The following RTN4IP1 variants were observed in gnomAD, a reference collection of about 807,000 sequenced individuals.
RTN4IP1 encodes the protein reticulon 4 interacting protein 1.
In RTN4IP1, 32 loss-of-function variants were observed where a neutral mutation model predicts 46.6. The ratio of observed to expected loss-of-function variants is 0.69; its 90% CI spans 0.52 to 0.92. RTN4IP1 has a LOEUF of 0.92. Among genes scored for constraint, RTN4IP1 ranks in the 40% least tolerant of loss-of-function variants. The pLI, the probability that RTN4IP1 is intolerant of heterozygous loss-of-function variation, is 0.00. For synonymous variants in RTN4IP1, 167 were observed against 161.8 expected, an observed-to-expected ratio of 1.03 and a Z score of -0.24; for missense variants, 424 against 485.8, an observed-to-expected ratio of 0.87 and a Z score of 1.20.
At chr6:106,584,483 T>C (rs1775439724) in intron 7 of RTN4IP1, among the ~76,000 whole-genome samples, 1 of 152,228 alleles carries the variant, frequency 6.6e-6, no homozygotes, top group Admixed American at 6.5e-5. Context: ...GCTACTACCA[T>C]GGCGTGAGGC....
intron 6 of RTN4IP1, among the ~76,000 whole-genome samples, 164 bp downstream of exon 6, chr6:106,592,000 A>G (rs1011119321): frequency 2.0e-5 from 3 of 152,172 alleles, no homozygotes; most frequent in African/African-American, 7.2e-5. Context: ...TAACATCTGG[A>G]ATTAAAACAG....
chr6:106,607,597 ATG>A (rs1776118060), intron 4 of RTN4IP1: 1 of 152,200 alleles, frequency 6.6e-6, no homozygotes, highest in Non-Finnish European at 1.5e-5. Flanking sequence ...AAAGAGAAAA[ATG>A]ATCAAGCATA....
At chr6:106,615,304 A>G (rs1776323143) in intron 4 of RTN4IP1, among the ~76,000 whole-genome samples, 1 of 152,150 alleles carries the variant, frequency 6.6e-6, no homozygotes, top group Admixed American at 6.5e-5. Flanking sequence ...GAATAAACCC[A>G]ATGTTTTTAA....
chr6:106,622,251 AACAGAATGAAATTTGC>A (rs1404295627), intron 2 of RTN4IP1, among the ~76,000 whole-genome samples: 3 of 152,234 alleles, frequency 2.0e-5, no homozygotes, highest in Non-Finnish European at 2.9e-5. Flanking sequence ...ATACTTCTGA[AACAGAATGAAATTTGC>A]ACATTTAGTA....
intron 4 of RTN4IP1, among the ~76,000 whole-genome samples, chr6:106,605,816 C>CACAAAA (rs1776053742): frequency 1.1e-3 from 5 of 4,494 alleles, no homozygotes; most frequent in Non-Finnish European, 1.6e-3. Flanking sequence ...GACTCTGTCC[C>CACAAAA]AAAAAAAAAA....
In RTN4IP1 at chr6:106,619,334, T is replaced by C. The variant is rs1455664921; in HGVS notation, c.496-8A>G. ...TTTGGGTTTGTGAGAGACCTACATT[T>C]GAAGACAACAGTCAAAAATAAGCAA... On this transcript the variant is annotated splice_region_variant and splice_polypyrimidine_tract_variant and intron_variant, in intron 3 of 8. Transcript: ENST00000369063. The C allele has an allele frequency of 1.2e-6, 2 of 1,613,878 alleles. No homozygotes were observed. The highest frequency in any genetic ancestry group is 1.7e-5 in the Admixed American group (1 of 59,954).
Position 106,614,853 on chromosome 6 carries a change from T to C in RTN4IP1, c.620+4349A>G, listed in dbSNP as rs75102101. Among the ~76,000 whole-genome samples, 29 of 152,282 alleles carry C rather than the reference T, an allele frequency of 1.9e-4. No individual in the cohort carries two copies. The East Asian group carries it at 5.6e-3, about 29-fold the overall frequency. On this transcript the variant is annotated intron_variant, in intron 4 of 8. Transcript: ENST00000369063. ...ACAGTCCATTGAAGAGTAAATGACT[T>C]GTAACCTCACGAGATAGTTAACCTA...
chr6:106,607,648 G>A (rs774398286), intron 4 of RTN4IP1: 8 of 152,132 alleles, frequency 5.3e-5, no homozygotes, highest in Non-Finnish European at 1.0e-4. Flanking sequence ...TCAGGGAAAT[G>A]CAAATTCAAA....
intron 5 of RTN4IP1, among the ~76,000 whole-genome samples, chr6:106,598,724 T>G (rs1039872877): frequency 1.3e-5 from 2 of 151,298 alleles, no homozygotes; most frequent in East Asian, 1.9e-4. Context: ...GTCAATTTTG[T>G]CTTTTGTTGC....
chr6:106,625,291 G>A (rs1481259229), intron 1 of RTN4IP1, among the ~76,000 whole-genome samples: 1 of 151,858 alleles, frequency 6.6e-6, no homozygotes, highest in Non-Finnish European at 1.5e-5. Flanking sequence ...CCCTTGCCCC[G>A]CACCCACTCC....
rs1315454444 is a variant in RTN4IP1 at position 106,570,791 on chromosome 6, C to T, written c.*1205G>A. The T allele has an allele frequency of 6.6e-6, 1 of 151,942 alleles. No individual in the cohort carries two copies. The highest frequency in any genetic ancestry group is 1.5e-5 in the Non-Finnish European group (1 of 68,000). The allele number at this position is 151,942 out of a possible 1,614,324, so 9.4% of individuals were successfully genotyped here. On this transcript the variant is annotated 3_prime_UTR_variant, in exon 9 of 9. Transcript: ENST00000369063. ...CTTTTGCAATAACTCGGTAGTAAGA[C>T]CAGACCAACAATTTTAGAGAAAAGC...
intron 8 of RTN4IP1, 74 bp downstream of exon 8, chr6:106,583,254 G>T: frequency 8.4e-7 from 1 of 1,186,058 alleles, no homozygotes; most frequent in Non-Finnish European, 1.2e-6. Flanking sequence ...TACTAACGAG[G>T]CTCAGTGGGC....
intron 4 of RTN4IP1, among the ~76,000 whole-genome samples, chr6:106,605,782 A>C (rs2114659689): frequency 7.4e-6 from 1 of 134,628 alleles, no homozygotes; most frequent in East Asian, 2.4e-4. Context: ...GCGCCACTGC[A>C]CTCCAGCCTG....
chr6:106,600,268 C>T (rs1775909353), intron 5 of RTN4IP1, among the ~76,000 whole-genome samples: 1 of 152,036 alleles, frequency 6.6e-6, no homozygotes, highest in African/African-American at 2.4e-5. Context: ...AAGAATCTCT[C>T]CCCTCATCCT....
intron 5 of RTN4IP1, among the ~76,000 whole-genome samples, chr6:106,597,024 TA>T (rs1467626974): frequency 2.0e-5 from 3 of 152,236 alleles, no homozygotes; most frequent in African/African-American, 7.2e-5. Flanking sequence ...GCACATGTGC[TA>T]TTTTGTCTAG....
At chr6:106,574,876 C>T (rs1775183742) in intron 8 of RTN4IP1, among the ~76,000 whole-genome samples, 2 of 152,240 alleles carry the variant, frequency 1.3e-5, no homozygotes, top group Admixed American at 6.5e-5. Flanking sequence ...TTACTGCCCA[C>T]TTTAATCTGG....
At chr6:106,605,327 G>A (rs1335581626) in intron 4 of RTN4IP1, among the ~76,000 whole-genome samples, 1 of 151,818 alleles carries the variant, frequency 6.6e-6, no homozygotes, top group African/African-American at 2.4e-5. Flanking sequence ...CCAGGAGGCT[G>A]AGGCATGAGA....
chr6:106,585,758 G>C (rs1018361617), intron 7 of RTN4IP1, among the ~76,000 whole-genome samples: 2 of 152,264 alleles, frequency 1.3e-5, no homozygotes, highest in Admixed American at 6.5e-5. Context: ...TTTCACATGA[G>C]ATTACCACTA....
chr6:106,601,601 T>C (rs1333350195), intron 5 of RTN4IP1, among the ~76,000 whole-genome samples: 1 of 152,106 alleles, frequency 6.6e-6, no homozygotes, highest in African/African-American at 2.4e-5. Flanking sequence ...TGATCCATTT[T>C]GAGTTTTTTG....
Sources: allele counts gnomAD v4.1 joint callset (sites outside exome capture counted in the v4.1 genomes callset), GRCh38; gene constraint gnomAD v4.1.1; transcripts MANE v1.5; gene names NCBI Gene and HGNC (gene_info 2026-07-23, HGNC 2026-07-21).